Variants in GRIN2A observed in about 807,000 individuals in gnomAD.
GRIN2A encodes glutamate ionotropic receptor NMDA type subunit 2A.
Under a neutral mutation model 113.4 loss-of-function variants are expected in GRIN2A, and 22 were observed. The observed-to-expected ratio is 0.19, with a 90% CI of 0.14 to 0.28. The LOEUF is 0.28. Among genes scored for constraint, GRIN2A ranks in the 10% least tolerant of loss-of-function variants. The pLI, the probability that GRIN2A is intolerant of heterozygous loss-of-function variation, is 1.00. For synonymous variants in GRIN2A, 827 were observed against 738.4 expected, an observed-to-expected ratio of 1.12 and a Z score of -1.94; for missense variants, 1,502 against 1,887.0, an observed-to-expected ratio of 0.80 and a Z score of 3.78.
chr16:10,028,164 T>A (rs142751938), intron 2 of GRIN2A, among the ~76,000 whole-genome samples: 1 of 152,318 alleles, frequency 6.6e-6, no homozygotes, highest in African/African-American at 2.4e-5. Flanking sequence ...ACTTACTGCT[T>A]GCAGCAACTC....
At position 9,819,599 on chromosome 16, in the gene GRIN2A, A is replaced by G. The variant is rs191780483; in HGVS notation, c.2168+2665T>C. Among the ~76,000 whole-genome samples, 170 of 152,274 alleles carry G rather than the reference A, an allele frequency of 1.1e-3. 1 individual carries two copies. Among genetic ancestry groups the G allele is most frequent in the Middle Eastern group, 0.01 (3 of 294 alleles). Reference sequence around the variant, plus strand: ...GTGGTTTCCCCAAATATTAACTCCAATGAAATTAAATCTCCAGTAATGATA... The same window carrying G: ...GTGGTTTCCCCAAATATTAACTCCAGTGAAATTAAATCTCCAGTAATGATA... On this transcript the variant is annotated intron_variant, in intron 10 of 12. Transcript: ENST00000330684.
At chr16:9,946,123 T>C (rs1393039880) in intron 2 of GRIN2A, among the ~76,000 whole-genome samples, 1 of 152,180 alleles carries the variant, frequency 6.6e-6, no homozygotes, top group African/African-American at 2.4e-5. Flanking sequence ...TCTAGATCAT[T>C]AGCAGGGCTG....
chr16:10,041,838 T>C (rs1430072222), intron 2 of GRIN2A, among the ~76,000 whole-genome samples: 1 of 152,206 alleles, frequency 6.6e-6, no homozygotes, highest in Admixed American at 6.5e-5. Flanking sequence ...AGTCTTTCCA[T>C]GAATATGCTA....
At chr16:10,143,246 G>C (rs150958573) in intron 2 of GRIN2A, among the ~76,000 whole-genome samples, 1 of 152,148 alleles carries the variant, frequency 6.6e-6, no homozygotes, top group Non-Finnish European at 1.5e-5. Context: ...GAAGAAAGTG[G>C]ACAACGCCTT....
chr16:9,926,025 C>T (rs1459911104), intron 3 of GRIN2A, among the ~76,000 whole-genome samples: 1 of 152,212 alleles, frequency 6.6e-6, no homozygotes, highest in Non-Finnish European at 1.5e-5. Context: ...TTGCCATTCA[C>T]TTGACAAATG....
intron 10 of GRIN2A, among the ~76,000 whole-genome samples, chr16:9,816,414 C>T (rs908097076): frequency 6.6e-6 from 1 of 152,118 alleles, no homozygotes; most frequent in African/African-American, 2.4e-5. Flanking sequence ...ACTGGGGATC[C>T]TGAGAGCTGA....
chr16:9,763,730 C>G lies in GRIN2A; in HGVS notation c.3814G>C (p.Ala1272Pro), dbSNP rs1363459634. The G allele has an allele frequency of 6.2e-7, 1 of 1,614,124 alleles. No homozygotes were observed. ...TGEQVYQQDWAQNNALQLQKN... is the reference protein window; with the variant it reads ...TGEQVYQQDWPQNNALQLQKN... ...TGTAATTGAAGGGCATTGTTCTGTGCCCAGTCCTGCTGGTAGACCTGCTCC... is the reference window on the plus strand; with the variant it reads ...TGTAATTGAAGGGCATTGTTCTGTGGCCAGTCCTGCTGGTAGACCTGCTCC... Residue 1272 changes from alanine (A) to proline (P), a missense_variant, in exon 13 of 13, where the codon GCA (alanine) becomes CCA (proline). Transcript: ENST00000330684.
At chr16:9,904,993 A>T (rs1300737505) in intron 3 of GRIN2A, among the ~76,000 whole-genome samples, 1 of 152,248 alleles carries the variant, frequency 6.6e-6, no homozygotes, top group Non-Finnish European at 1.5e-5. Context: ...AACCAAAACC[A>T]TAAATTATGG....
intron 3 of GRIN2A, among the ~76,000 whole-genome samples, chr16:9,919,794 G>A (rs1265363098): frequency 1.3e-5 from 2 of 152,120 alleles, no homozygotes; most frequent in Non-Finnish European, 2.9e-5. Context: ...TGCTCCTCTG[G>A]CTCCTGCCGT....
At chr16:9,817,795 G>C (rs925599742) in intron 10 of GRIN2A, among the ~76,000 whole-genome samples, 1 of 152,220 alleles carries the variant, frequency 6.6e-6, no homozygotes, top group African/African-American at 2.4e-5. Flanking sequence ...GCATGCACGT[G>C]GCTTTGCTAG....
At chr16:10,174,081 A>G (rs2050097793) in intron 2 of GRIN2A, among the ~76,000 whole-genome samples, 1 of 152,250 alleles carries the variant, frequency 6.6e-6, no homozygotes, top group African/African-American at 2.4e-5. Context: ...TCAAAGCCAC[A>G]TAATCCATGG....
At chr16:10,011,299 C>T (rs932146709) in intron 2 of GRIN2A, among the ~76,000 whole-genome samples, 3 of 152,178 alleles carry the variant, frequency 2.0e-5, no homozygotes, top group Non-Finnish European at 4.4e-5. Flanking sequence ...AAGTTCACCC[C>T]TGAATATTTA....
intron 2 of GRIN2A, among the ~76,000 whole-genome samples, chr16:10,179,252 G>A (rs549920738): frequency 6.6e-6 from 1 of 152,162 alleles, no homozygotes; most frequent in African/African-American, 2.4e-5. Context: ...TCTTTGTTCA[G>A]GAGCCAACTC....
intron 2 of GRIN2A, among the ~76,000 whole-genome samples, chr16:10,152,687 G>C (rs1435750897): frequency 6.6e-6 from 1 of 152,152 alleles, no homozygotes; most frequent in African/African-American, 2.4e-5. Context: ...ATAGTGCTGA[G>C]GTCAGAACTC....
intron 9 of GRIN2A, among the ~76,000 whole-genome samples, chr16:9,826,447 T>C (rs1207814131): frequency 6.6e-6 from 1 of 152,156 alleles, no homozygotes; most frequent in Non-Finnish European, 1.5e-5. Flanking sequence ...GGCTCCAATA[T>C]GATTATTTCA....
At chr16:9,988,386 A>G (rs2046029609) in intron 2 of GRIN2A, among the ~76,000 whole-genome samples, 1 of 151,954 alleles carries the variant, frequency 6.6e-6, no homozygotes, top group African/African-American at 2.4e-5. Context: ...ATACCACTCA[A>G]TTTTCTACAA....
At chr16:10,064,893 G>C (rs1251899893) in intron 2 of GRIN2A, among the ~76,000 whole-genome samples, 1 of 152,186 alleles carries the variant, frequency 6.6e-6, no homozygotes, top group African/African-American at 2.4e-5. Context: ...CACACGGTCA[G>C]TGCATTCATC....
chr16:9,795,415 G>A (rs1257735095), intron 11 of GRIN2A, among the ~76,000 whole-genome samples: 4 of 152,162 alleles, frequency 2.6e-5, no homozygotes, highest in East Asian at 1.9e-4. Flanking sequence ...AATCCACCCC[G>A]TGTTTAGCAT....
upstream of GRIN2A, chr16:10,182,529 G>A (rs937340812): frequency 6.6e-6 from 1 of 152,200 alleles, no homozygotes; most frequent in Non-Finnish European, 1.5e-5. Flanking sequence ...GGTTCCCCGA[G>A]GGAGGTGGAT....
Sources: allele counts gnomAD v4.1 joint callset (sites outside exome capture counted in the v4.1 genomes callset), GRCh38; gene constraint gnomAD v4.1.1; transcripts MANE v1.5; gene names NCBI Gene and HGNC (gene_info 2026-07-23, HGNC 2026-07-21).